FLCN: variants seen among roughly 807,000 people sequenced by gnomAD.
FLCN encodes the protein BHD skin lesion fibrofolliculoma protein.
In FLCN, 22 loss-of-function variants were observed where a neutral mutation model predicts 62.5. That is an observed-to-expected ratio of 0.35 (90% confidence interval 0.25 to 0.50). The LOEUF (loss-of-function observed/expected upper bound fraction) is 0.50, where lower values mean the gene tolerates loss of function less well. Among genes scored for constraint, FLCN ranks in the 20% least tolerant of loss-of-function variants. The probability of loss-of-function intolerance (pLI) is 0.97; values close to 1 mark genes in which losing one functional copy is unlikely to be tolerated. For synonymous variants in FLCN, 319 were observed against 310.0 expected (o/e 1.03, Z -0.30); for missense variants, 657 against 778.0 (o/e 0.84, Z 1.85).
intron 13 of FLCN, 144 bp downstream of exon 13, chr17:17,214,841 G>T: frequency 2.4e-6 from 2 of 833,518 alleles, no homozygotes; most frequent in Non-Finnish European, 4.0e-6. Context: ...GCTTTGCAGT[G>T]GCGGACGTGG....
At chr17:17,233,462 G>C (rs112254860) in intron 1 of FLCN, among the ~76,000 whole-genome samples, 31 of 151,796 alleles carry the variant, frequency 2.0e-4, no homozygotes, top group African/African-American at 6.8e-4. Flanking sequence ...AGCCAGGCAT[G>C]GTGACAGGCG....
Position 17,213,282 on chromosome 17 carries a change from G to C in FLCN, c.*373C>G, listed in dbSNP as rs2046805026. On this transcript the variant is annotated 3_prime_UTR_variant, in exon 14 of 14. Transcript: ENST00000285071. The stretch of plus-strand genomic sequence containing the variant: ...AGAAACGCTTGAATGTTAACCTCGG[G>C]AGCAGACATGTTATTGCGACTGCAT... 6.9e-6 allele frequency: 3 copies of C among 434,162 alleles called. No individual in the cohort carries two copies. The highest frequency in any genetic ancestry group is 2.0e-5 in the African/African-American group (1 of 51,170). 26.9% of individuals were successfully genotyped at this position (434,162 alleles called of 1,614,324 possible).
At chr17:17,230,965 G>A (rs12602831) in intron 3 of FLCN, among the ~76,000 whole-genome samples, 1 of 152,056 alleles carries the variant, frequency 6.6e-6, no homozygotes, top group East Asian at 1.9e-4. Context: ...GGGAGGCCGA[G>A]GTGGGCAGAT....
Position 17,231,882 on chromosome 17 carries a change from A to T in FLCN, c.-113T>A, listed in dbSNP as rs1403705812. The T allele has an allele frequency of 6.6e-6, 1 of 152,570 alleles. No individual in the cohort carries two copies. The highest frequency in any genetic ancestry group is 1.5e-5 in the Non-Finnish European group (1 of 68,168). The allele number at this position is 152,570 out of a possible 1,614,324, so 9.5% of individuals were successfully genotyped here. A position where few individuals can be genotyped will look rare whatever the true frequency, so the allele number is the denominator to read the frequency against. On this transcript the variant is annotated splice_region_variant and 5_prime_UTR_variant, in exon 3 of 14. Coordinates refer to ENST00000285071, the MANE Select transcript of FLCN (RefSeq NM_144997.7). ...GATACGGCTGAGCACGAGTGGTCAC[A>T]CTGGGAATGGCAGAGGCAGACAGAA...
At chr17:17,217,386 T>G in intron 9 of FLCN, 1 of 610,298 alleles carries the variant, frequency 1.6e-6, no homozygotes, top group Middle Eastern at 4.3e-4. Context: ...ACATAAATGC[T>G]AGATTCCAAA....
chr17:17,223,120 G>A, intron 6 of FLCN: 1 of 299,230 alleles, frequency 3.3e-6, no homozygotes, highest in South Asian at 3.2e-5. Flanking sequence ...TTGAGATGGA[G>A]TCTCACTCTG....
chr17:17,224,298 G>A (rs2047187401), intron 5 of FLCN, 155 bp from the exon 6 acceptor site: 1 of 694,232 alleles, frequency 1.4e-6, no homozygotes, highest in Admixed American at 2.2e-5. Context: ...GCCGAAGACT[G>A]TACTCTTCTG....
chr17:17,228,533 A>ATAC, intron 3 of FLCN: 7 of 281,058 alleles, frequency 2.5e-5, no homozygotes, highest in South Asian at 8.2e-5. Flanking sequence ...CCACAGGGAG[A>ATAC]GGGTCCTCCA....
chr17:17,214,995 C>T lies in FLCN; in HGVS notation c.1528G>A (p.Glu510Lys), dbSNP rs1415029672. The T allele has an allele frequency of 2.5e-6, 4 of 1,614,094 alleles. No individual in the cohort carries two copies. The highest frequency in any genetic ancestry group is 3.4e-6 in the Non-Finnish European group (4 of 1,180,022). The change falls in exon 13 of 14, where the codon GAG (glutamate) becomes AAG (lysine). Residue 510 changes from glutamate (E) to lysine (K), a missense_variant. Glu to Lys is a moderately conservative substitution (Grantham distance 56). Transcript: ENST00000285071. Reference sequence around the variant, plus strand: ...CACACTGTTGCTTACTTCATCCACTCCTCCTTGAGGCAGACGAGGCACTGG... The same window carrying T: ...CACACTGTTGCTTACTTCATCCACTTCTCCTTGAGGCAGACGAGGCACTGG... The part of the protein sequence containing the change: ...VDQCLVCLKE[E>K]WMNKVKVLFK...
rs1343746852 is a variant in FLCN at position 17,231,898 on chromosome 17, G to A, written c.-113-16C>T. 1 of 152,640 alleles carries A rather than the reference G, an allele frequency of 6.6e-6. No individual in the cohort carries two copies. Among genetic ancestry groups the A allele is most frequent in the Admixed American group, 6.5e-5 (1 of 15,286 alleles). 9.5% of individuals were successfully genotyped at this position (152,640 alleles called of 1,614,324 possible). ...AGTGGTCACACTGGGAATGGCAGAG[G>A]CAGACAGAAAACAGACATTTGAAGA... On this transcript the variant is annotated splice_polypyrimidine_tract_variant and intron_variant, in intron 2 of 13. Transcript: ENST00000285071.
chr17:17,219,608 C>T (rs1279799634), intron 8 of FLCN: 9 of 218,378 alleles, frequency 4.1e-5, no homozygotes, highest in South Asian at 3.9e-4. Flanking sequence ...CTCACTCTGT[C>T]GCACAGGCTG....
rs967684437 is a variant in FLCN at position 17,228,065 on chromosome 17, G to A, written c.73C>T (p.Leu25=). 6.2e-7 allele frequency: 1 copy of A among 1,613,728 alleles called. No individual in the cohort carries two copies. Among genetic ancestry groups the A allele is most frequent in the South Asian group, 1.1e-5 (1 of 91,086 alleles). Residue 25 remains leucine, a synonymous_variant, in exon 4 of 14, where the codon CTG becomes TTG. Coordinates refer to ENST00000285071, the MANE Select transcript of FLCN (RefSeq NM_144997.7). ...TCCCCTTGAGGAAGTGGGGCGTGCA[G>A]CACCTCCGTGCAGAAGAGAGTGCGG... The part of the protein sequence containing the change: ...GPRTLFCTEV[L]HAPLPQGDGN...
chr17:17,220,454 C>T (rs995887896), intron 8 of FLCN: 23 of 152,222 alleles, frequency 1.5e-4, no homozygotes, highest in African/African-American at 5.1e-4. Flanking sequence ...GTCATTTCAA[C>T]GAAACTTCAT....
In FLCN at chr17:17,216,282, T is replaced by A; in HGVS notation, c.1300+98A>T. On this transcript the variant is annotated intron_variant, in intron 11 of 13. Transcript: ENST00000285071. This position sits in a 1 kb window ranked among gnomAD's most constrained non-coding sequence, Gnocchi z 4.0. ...AAGCTGGCCCTGCAATGAGGCCTCC[T>A]CTCCACAACCCATGACAGAGATCTG... 2 of 1,551,586 alleles carry A rather than the reference T, an allele frequency of 1.3e-6. No individual in the cohort carries two copies. The highest frequency in any genetic ancestry group is 3.5e-5 in the Admixed American group (2 of 56,684).
intron 3 of FLCN, 78 bp from the exon 4 acceptor site, chr17:17,228,239 G>C: frequency 6.7e-7 from 1 of 1,492,138 alleles, no homozygotes; most frequent in South Asian, 1.3e-5. Flanking sequence ...CTGGAGCACA[G>C]GGAGCACCTG....
In FLCN at chr17:17,216,991, C is replaced by A; in HGVS notation, c.1176+78G>T. 1 of 1,079,100 alleles carries A rather than the reference C, an allele frequency of 9.3e-7. No individual in the cohort carries two copies. The highest frequency in any genetic ancestry group is 1.4e-6 in the Non-Finnish European group (1 of 700,210). The allele number at this position is 1,079,100 out of a possible 1,614,324, so 66.8% of individuals were successfully genotyped here. The stretch of plus-strand genomic sequence containing the variant: ...GGTTCTGTGCTGGGCAGTCGGTGCA[C>A]CTTGGCATCCCCACCTGACGCCAGG... On this transcript the variant is annotated intron_variant, in intron 10 of 13. Transcript: ENST00000285071. This position sits in a 1 kb window ranked among gnomAD's most constrained non-coding sequence, Gnocchi z 4.0.
intron 2 of FLCN, 99 bp downstream of exon 2, chr17:17,232,689 G>T (rs999944668): frequency 6.6e-6 from 1 of 152,486 alleles, no homozygotes; most frequent in Non-Finnish European, 1.5e-5. Context: ...TCTCTGAGAG[G>T]CATCAGGGGA....
At chr17:17,214,793 G>A (rs569526328) in intron 13 of FLCN, among the ~76,000 whole-genome samples, 192 bp downstream of exon 13, 4 of 152,100 alleles carry the variant, frequency 2.6e-5, no homozygotes, top group Non-Finnish European at 2.9e-5. Flanking sequence ...TGCAGGAGCC[G>A]GAGGCAGACA....
chr17:17,227,258 G>C (rs936758440), intron 4 of FLCN, among the ~76,000 whole-genome samples: 2 of 151,642 alleles, frequency 1.3e-5, no homozygotes, highest in South Asian at 2.1e-4. Context: ...ACTAATTCCC[G>C]AGAGTTCAAG....
Sources: gnomAD v4.1 joint callset for allele counts (sites outside exome capture counted in the v4.1 genomes callset) on GRCh38, gnomAD v4.1.1 for gene constraint, Gnocchi (gnomAD v3.1) non-coding constraint, MANE v1.5 for transcripts, NCBI Gene and HGNC (gene_info 2026-07-23, HGNC 2026-07-21) for gene names.